PTPRN2: variants seen among roughly 807,000 people sequenced by gnomAD.
PTPRN2 encodes the protein receptor-type tyrosine-protein phosphatase N2.
PTPRN2 carries 74 observed loss-of-function variants against 118.8 expected under a neutral mutation model. That is an observed-to-expected ratio of 0.62 (90% confidence interval 0.52 to 0.76). The LOEUF is 0.76. Ranked by LOEUF, PTPRN2 falls within the 30% of genes least tolerant of loss-of-function variation. PTPRN2 has a pLI of 0.00. For synonymous variants in PTPRN2, 641 were observed against 608.0 expected (o/e 1.05, Z -0.80); for missense variants, 1,481 against 1,394.4 (o/e 1.06, Z -0.99).
chr7:158,290,283 G>T (rs1365658393), intron 3 of PTPRN2, among the ~76,000 whole-genome samples: 1 of 152,172 alleles, frequency 6.6e-6, no homozygotes, highest in East Asian at 1.9e-4. Flanking sequence ...TGAGTCCACA[G>T]GGACACTCCT....
At chr7:157,717,040 G>A (rs1585296180) in intron 12 of PTPRN2, among the ~76,000 whole-genome samples, 1 of 140,304 alleles carries the variant, frequency 7.1e-6, no homozygotes, top group East Asian at 2.1e-4. Context: ...AGACTCTGCG[G>A]GAACACTGCC....
chr7:158,264,496 C>T lies in PTPRN2; in HGVS notation c.277+52323G>A, dbSNP rs143088134. ...CGCCTAAGCCACACTCCTGTCCATA[C>T]GACAGATCGCCATGGGCCACACGTG... On this transcript the variant is annotated intron_variant, in intron 3 of 22. Coordinates refer to ENST00000389418, the MANE Select transcript of PTPRN2 (RefSeq NM_002847.5). Among the ~76,000 whole-genome samples, 25 of 152,306 alleles carry T rather than the reference C, an allele frequency of 1.6e-4. No homozygotes were observed. The East Asian group carries it at 2.9e-3, about 18-fold the overall frequency.
intron 3 of PTPRN2, among the ~76,000 whole-genome samples, chr7:158,298,139 G>GTAAGTCTTTTCAAAGA (rs1451441620): frequency 1.3e-5 from 2 of 152,100 alleles, no homozygotes; most frequent in East Asian, 3.9e-4. Flanking sequence ...AAAGAGCTCT[G>GTAAGTCTTTTCAAAGA]TAAGTCTTTT....
intron 3 of PTPRN2, among the ~76,000 whole-genome samples, chr7:158,263,232 T>C (rs1797650258): frequency 6.6e-6 from 1 of 152,178 alleles, no homozygotes; most frequent in South Asian, 2.1e-4. Flanking sequence ...CGCATGTGCC[T>C]ACTGTATGCA....
In PTPRN2 at chr7:158,396,916, G is replaced by A. The variant is rs566089052; in HGVS notation, c.164-79984C>T. On this transcript the variant is annotated intron_variant, in intron 2 of 22. Coordinates refer to ENST00000389418, the MANE Select transcript of PTPRN2 (RefSeq NM_002847.5). ...GTAAAAGCCCCAAGACAAGGAAAAA[G>A]TACACGAGCTTGTGACATGATGGTA... Among the ~76,000 whole-genome samples, 14 of 152,316 alleles carry A rather than the reference G, an allele frequency of 9.2e-5. No individual in the cohort carries two copies. In the East Asian group the frequency reaches 2.7e-3, roughly 29 times the overall value.
chr7:157,675,450 C>G (rs1455355690), intron 13 of PTPRN2, among the ~76,000 whole-genome samples: 1 of 152,238 alleles, frequency 6.6e-6, no homozygotes, highest in Non-Finnish European at 1.5e-5. Context: ...CGAACACCTT[C>G]CATCAAGTGT....
intron 6 of PTPRN2, among the ~76,000 whole-genome samples, chr7:158,161,212 G>A (rs1433205993): frequency 1.3e-5 from 2 of 152,140 alleles, no homozygotes; most frequent in Non-Finnish European, 2.9e-5. Context: ...TTGGATACAA[G>A]CAAGTTTATT....
chr7:157,842,440 T>A (rs12668771), intron 12 of PTPRN2, among the ~76,000 whole-genome samples: 7 of 123,900 alleles, frequency 5.6e-5, no homozygotes, highest in Admixed American at 4.1e-4. Flanking sequence ...TTTGAGACGG[T>A]GTCTCGCTCT....
At chr7:158,092,959 A>G (rs1363501381) in intron 10 of PTPRN2, among the ~76,000 whole-genome samples, 1 of 152,242 alleles carries the variant, frequency 6.6e-6, no homozygotes, top group Non-Finnish European at 1.5e-5. Context: ...GGCAATCGCT[A>G]TTTTATAGAT....
At chr7:157,666,616 AG>A (rs1469788053) in intron 13 of PTPRN2, among the ~76,000 whole-genome samples, 1 of 152,234 alleles carries the variant, frequency 6.6e-6, no homozygotes, top group Non-Finnish European at 1.5e-5. Context: ...GCTGAGGACC[AG>A]GACTCTGGGT....
chr7:157,778,349 C>T (rs537445010), intron 12 of PTPRN2, among the ~76,000 whole-genome samples: 2 of 152,060 alleles, frequency 1.3e-5, no homozygotes, highest in East Asian at 3.9e-4. Flanking sequence ...CATGTGATTA[C>T]AGTTGTTGAA....
At chr7:157,643,154 A>T (rs760407009) in intron 14 of PTPRN2, among the ~76,000 whole-genome samples, 18 of 152,236 alleles carry the variant, frequency 1.2e-4, no homozygotes, top group Non-Finnish European at 2.1e-4. Flanking sequence ...CATACTAAAG[A>T]TGGTACAAAC....
intron 21 of PTPRN2, among the ~76,000 whole-genome samples, chr7:157,561,997 G>T (rs1799216254): frequency 6.6e-6 from 1 of 152,230 alleles, no homozygotes; most frequent in Non-Finnish European, 1.5e-5. Context: ...GAATGGACCA[G>T]TGGGACTCCA....
intron 12 of PTPRN2, among the ~76,000 whole-genome samples, chr7:157,882,894 A>G (rs533741281): frequency 6.7e-6 from 1 of 150,290 alleles, no homozygotes; most frequent in Non-Finnish European, 1.5e-5. Flanking sequence ...CACCCCAAAA[A>G]TGATTGTTGG....
intron 12 of PTPRN2, among the ~76,000 whole-genome samples, chr7:157,876,365 C>A (rs971684360): frequency 6.6e-6 from 1 of 152,186 alleles, no homozygotes; most frequent in Non-Finnish European, 1.5e-5. Context: ...TAACCAGCAG[C>A]GGCCCCAGGA....
At position 157,986,132 on chromosome 7, in the gene PTPRN2, T is replaced by C. The variant is rs968861983; in HGVS notation, c.1724-87395A>G. Among the ~76,000 whole-genome samples, 1 of 152,052 alleles carries C rather than the reference T, an allele frequency of 6.6e-6. No individual in the cohort carries two copies. The highest frequency in any genetic ancestry group is 1.5e-5 in the Non-Finnish European group (1 of 68,022). ...TCTTCTCTGGTGCTCAGTGAGGCAA[T>C]AGCATGAGATAGATACCCTCATCTA... On this transcript the variant is annotated intron_variant, in intron 11 of 22. Coordinates refer to ENST00000389418, the MANE Select transcript of PTPRN2 (RefSeq NM_002847.5). The surrounding 1 kb of genome is among the most constrained non-coding windows in gnomAD (Gnocchi z 4.5).
At chr7:158,433,032 C>T (rs1219352232) in intron 2 of PTPRN2, among the ~76,000 whole-genome samples, 2 of 152,216 alleles carry the variant, frequency 1.3e-5, no homozygotes, top group African/African-American at 4.8e-5. Flanking sequence ...AACTGTAGGT[C>T]CGTGGAATCA....
At chr7:157,600,017 A>C (rs1314864081) in intron 16 of PTPRN2, among the ~76,000 whole-genome samples, 1 of 61,374 alleles carries the variant, frequency 1.6e-5, no homozygotes, top group Non-Finnish European at 3.1e-5. Context: ...CCACCTGCCC[A>C]CCTCTCCACC....
chr7:157,722,679 G>C (rs112801448), intron 12 of PTPRN2, among the ~76,000 whole-genome samples: 6 of 152,192 alleles, frequency 3.9e-5, no homozygotes, highest in Non-Finnish European at 5.9e-5. Context: ...GTGCAGCCGG[G>C]GGGGACAGGG....
Sources: allele counts gnomAD v4.1 joint callset (sites outside exome capture counted in the v4.1 genomes callset), GRCh38; gene constraint gnomAD v4.1.1; non-coding constraint Gnocchi (gnomAD v3.1); transcripts MANE v1.5; gene names NCBI Gene and HGNC (gene_info 2026-07-23, HGNC 2026-07-21).